The following DCLK1 variants were observed in gnomAD, a reference collection of about 807,000 sequenced individuals.
DCLK1 encodes serine/threonine-protein kinase DCLK1.
DCLK1 carries 16 observed loss-of-function variants against 86.2 expected under a neutral mutation model. The ratio of observed to expected loss-of-function variants is 0.19; its 90% CI spans 0.13 to 0.28. The LOEUF is 0.28. DCLK1 is among the 10% of genes least tolerant of loss of function. DCLK1 has a pLI of 1.00. For missense variants in DCLK1, 590 were observed against 940.2 expected (o/e 0.63, Z 4.87); for synonymous variants, 369 against 370.5 (o/e 1.00, Z 0.05).
At chr13:35,792,690 C>T (rs1405690055) in intron 16 of DCLK1, among the ~76,000 whole-genome samples, 2 of 152,162 alleles carry the variant, frequency 1.3e-5, no homozygotes, top group Non-Finnish European at 2.9e-5. Flanking sequence ...TTTCATTATT[C>T]CTCGGCCCAA....
intron 3 of DCLK1, among the ~76,000 whole-genome samples, chr13:35,958,079 T>TATAATCATTACC (rs1878144562): frequency 1.9e-4 from 2 of 10,300 alleles, no homozygotes; most frequent in African/African-American, 1.5e-3. Flanking sequence ...CCACCACCAC[T>TATAATCATTACC]ACTATAACCA....
intron 16 of DCLK1, chr13:35,788,266 A>G: frequency 6.2e-7 from 1 of 1,614,008 alleles, no homozygotes; most frequent in Non-Finnish European, 8.5e-7. Flanking sequence ...TGATCTCTTG[A>G]TGGTAAACCC....
chr13:35,997,271 T>A (rs1038077268), intron 3 of DCLK1, among the ~76,000 whole-genome samples: 7 of 152,168 alleles, frequency 4.6e-5, no homozygotes, highest in Non-Finnish European at 8.8e-5. Flanking sequence ...TGAGGAAATA[T>A]GAGATTTATT....
chr13:35,958,364 C>T (rs1289805711), intron 3 of DCLK1, among the ~76,000 whole-genome samples: 3 of 66,336 alleles, frequency 4.5e-5, no homozygotes, highest in Non-Finnish European at 6.7e-5. Flanking sequence ...CTATCACTGC[C>T]GTCACCACTA....
rs569035012 is a variant in DCLK1, at chr13:35,849,540, C to T, written c.1035+4959G>A. ...TGGCTTAAATACAATAGACCATACA[C>T]ATTAAATTAATTTTTAACATTCAGA... On this transcript the variant is annotated intron_variant, in intron 6 of 16. Coordinates refer to ENST00000360631, the MANE Select transcript of DCLK1 (RefSeq NM_001330071.2). 9.5e-5 allele frequency: 93 copies of T among 979,454 alleles called. No homozygotes were observed. In the African/African-American group the frequency reaches 1.5e-3, roughly 15 times the overall value. The allele number at this position is 979,454 out of a possible 1,614,324, so 60.7% of individuals were successfully genotyped here.
chr13:35,947,760 T>C (rs1414476865), intron 3 of DCLK1, among the ~76,000 whole-genome samples: 1 of 152,206 alleles, frequency 6.6e-6, no homozygotes, highest in African/African-American at 2.4e-5. Flanking sequence ...GGAGGTGCAG[T>C]GCCCCTTTCC....
intron 3 of DCLK1, among the ~76,000 whole-genome samples, chr13:36,045,372 A>ATCTATC (rs1405963739): frequency 3.1e-5 from 4 of 129,750 alleles, no homozygotes; most frequent in East Asian, 4.5e-4. Flanking sequence ...ATATATATAT[A>ATCTATC]TATATTTCAA....
At chr13:35,899,338 AGTGTGT>A (rs755180041) in intron 4 of DCLK1, among the ~76,000 whole-genome samples, 2 of 143,818 alleles carry the variant, frequency 1.4e-5, no homozygotes, top group South Asian at 2.4e-4. Flanking sequence ...GAGAAATACA[AGTGTGT>A]GTGTGTGTGT....
At chr13:35,909,562 C>T (rs1874880533) in intron 4 of DCLK1, among the ~76,000 whole-genome samples, 1 of 149,292 alleles carries the variant, frequency 6.7e-6, no homozygotes, top group South Asian at 2.1e-4. Flanking sequence ...ACTGTAAACC[C>T]TCAATAAACT....
intron 3 of DCLK1, among the ~76,000 whole-genome samples, chr13:36,040,331 G>A (rs1388075116): frequency 7.2e-6 from 1 of 139,642 alleles, no homozygotes; most frequent in African/African-American, 2.6e-5. Context: ...ACAGTTTGAG[G>A]GATACTACTC....
intron 16 of DCLK1, among the ~76,000 whole-genome samples, chr13:35,792,210 A>G (rs2086719447): frequency 6.6e-6 from 1 of 152,212 alleles, no homozygotes; most frequent in Non-Finnish European, 1.5e-5. Context: ...GTAAATCACT[A>G]TTGAAAGGGT....
intron 3 of DCLK1, among the ~76,000 whole-genome samples, chr13:36,021,204 T>C (rs1173722398): frequency 6.6e-6 from 1 of 150,564 alleles, no homozygotes; most frequent in Non-Finnish European, 1.5e-5. Flanking sequence ...TGTCTTATGA[T>C]GATAATTGTA....
At chr13:35,920,202 C>A (rs1188144376) in intron 4 of DCLK1, among the ~76,000 whole-genome samples, 2 of 152,200 alleles carry the variant, frequency 1.3e-5, no homozygotes, top group African/African-American at 4.8e-5. Context: ...ACATCTTCAA[C>A]CTTCCATGAG....
chr13:36,115,348 T>A (rs200873495), intron 2 of DCLK1, among the ~76,000 whole-genome samples: 1 of 123,460 alleles, frequency 8.1e-6, no homozygotes, highest in Admixed American at 8.2e-5. Flanking sequence ...AACAAACAAA[T>A]AAAAAAACAC....
intron 6 of DCLK1, chr13:35,848,251 A>G (rs949643988): frequency 5.1e-6 from 5 of 984,798 alleles, no homozygotes; most frequent in Non-Finnish European, 6.0e-6. Flanking sequence ...TAACTCAATC[A>G]TAAGTGCCTA....
intron 3 of DCLK1, among the ~76,000 whole-genome samples, chr13:36,094,148 T>G (rs1459422889): frequency 6.6e-6 from 1 of 152,218 alleles, no homozygotes; most frequent in Non-Finnish European, 1.5e-5. Context: ...TCTGCCTTTT[T>G]TGACCTGATA....
At chr13:36,093,486 G>T (rs2138143180) in intron 3 of DCLK1, among the ~76,000 whole-genome samples, 1 of 152,294 alleles carries the variant, frequency 6.6e-6, no homozygotes, top group South Asian at 2.1e-4. Flanking sequence ...ACAGCACCGT[G>T]TGATTAAAGT....
At chr13:35,907,194 A>G (rs1874733837) in intron 4 of DCLK1, among the ~76,000 whole-genome samples, 1 of 152,180 alleles carries the variant, frequency 6.6e-6, no homozygotes, top group Non-Finnish European at 1.5e-5. Flanking sequence ...ACAGGGTCTC[A>G]GTCTATCACC....
At chr13:35,842,974 C>T (rs747698907) in intron 6 of DCLK1, among the ~76,000 whole-genome samples, 20 of 152,124 alleles carry the variant, frequency 1.3e-4, no homozygotes, top group Non-Finnish European at 1.9e-4. Context: ...TTAAGTCCAA[C>T]GAAAGGATTT....
Sources: gnomAD v4.1 joint callset for allele counts (sites outside exome capture counted in the v4.1 genomes callset) on GRCh38, gnomAD v4.1.1 for gene constraint, MANE v1.5 for transcripts, NCBI Gene and HGNC (gene_info 2026-07-23, HGNC 2026-07-21) for gene names.